The following ICAM2 variants were observed in gnomAD, a reference collection of about 807,000 sequenced individuals.
The protein encoded by ICAM2 is intercellular adhesion molecule 2, also known as ICAM-2.
In ICAM2, 14 loss-of-function variants were observed where a neutral mutation model predicts 19.1. The ratio of observed to expected loss-of-function variants is 0.73; its 90% confidence interval spans 0.48 to 1.15. The LOEUF (loss-of-function observed/expected upper bound fraction) is 1.15, where lower values mean the gene tolerates loss of function less well. ICAM2 is among the 50% of genes most tolerant of loss of function. The pLI, the probability that ICAM2 is intolerant of heterozygous loss-of-function variation, is 0.00. For synonymous variants in ICAM2, 153 were observed against 152.7 expected (o/e 1.00, Z -0.01); for missense variants, 311 against 355.4 (o/e 0.88, Z 1.00).
chr17:64,003,602 G>A, intron 4 of ICAM2, 42 bp downstream of exon 4: 1 of 1,567,630 alleles, frequency 6.4e-7, no homozygotes, highest in Non-Finnish European at 8.7e-7. Context: ...GGGGCTGAAA[G>A]TGACTTATCA....
intron 3 of ICAM2, 130 bp from the exon 4 acceptor site, chr17:64,004,094 G>A: frequency 1.5e-6 from 1 of 666,996 alleles, no homozygotes; most frequent in Non-Finnish European, 2.5e-6. Context: ...GCCGGCTCCA[G>A]TGCAGAGAGG....
At chr17:64,016,679 C>T (rs191275610) in intron 1 of ICAM2, among the ~76,000 whole-genome samples, 17 of 152,328 alleles carry the variant, frequency 1.1e-4, no homozygotes, top group African/African-American at 4.1e-4. Flanking sequence ...TCGCCTACAG[C>T]TGCAACATCA....
intron 2 of ICAM2, among the ~76,000 whole-genome samples, chr17:64,005,701 G>A (rs902185981): frequency 6.6e-6 from 1 of 152,098 alleles, no homozygotes; most frequent in African/African-American, 2.4e-5. Context: ...AGTGGGATCC[G>A]ACTCAGTCTT....
At chr17:64,003,001 AC>A in intron 4 of ICAM2, 76 bp from the exon 5 acceptor site, 1 of 1,423,080 alleles carries the variant, frequency 7.0e-7, no homozygotes, top group Non-Finnish European at 9.6e-7. Flanking sequence ...GTGGAAGTCC[AC>A]CCCCAACCCA....
At chr17:64,013,179 G>A (rs1205991755) in intron 1 of ICAM2, among the ~76,000 whole-genome samples, 1 of 152,140 alleles carries the variant, frequency 6.6e-6, no homozygotes, top group Non-Finnish European at 1.5e-5. Flanking sequence ...GGACATGGTG[G>A]CGTGTGCCTG....
chr17:64,013,787 T>C (rs896385155), intron 1 of ICAM2, among the ~76,000 whole-genome samples: 12 of 152,258 alleles, frequency 7.9e-5, no homozygotes, highest in African/African-American at 2.6e-4. Flanking sequence ...AGTTTCTATA[T>C]AGAACTATAT....
intron 4 of ICAM2, 78 bp downstream of exon 4, chr17:64,003,566 G>A (rs1432140786): frequency 2.3e-6 from 3 of 1,332,560 alleles, no homozygotes; most frequent in South Asian, 1.3e-5. Context: ...CTTCCCAAGT[G>A]GGACTCAAGA....
In ICAM2 at chr17:64,003,468, G is replaced by C. The variant is rs1013945425; in HGVS notation, c.649+176C>G. The stretch of plus-strand genomic sequence containing the variant: ...TCTCCCGACCTCTGGAGCAGTTGAG[G>C]TCCAAGCTGGGGACTTGGAAAGAAC... On this transcript the variant is annotated intron_variant, in intron 4 of 4. Coordinates refer to ENST00000579788, the MANE Select transcript of ICAM2 (RefSeq NM_001099789.2). The C allele has an allele frequency of 2.0e-4, 126 of 638,418 alleles. 1 individual carries two copies. The highest frequency in any genetic ancestry group is 3.0e-4 in the Non-Finnish European group (111 of 364,208). 39.5% of individuals were successfully genotyped at this position (638,418 alleles called of 1,614,324 possible). A position where few individuals can be genotyped will look rare whatever the true frequency, so the allele number is the denominator to read the frequency against.
At chr17:64,010,147 T>C (rs1911392992) in intron 1 of ICAM2, among the ~76,000 whole-genome samples, 1 of 152,200 alleles carries the variant, frequency 6.6e-6, no homozygotes, top group African/African-American at 2.4e-5. Context: ...CCCGGGATCA[T>C]TAAACTTTTT....
Position 64,014,905 on chromosome 17 carries a change from ATCTC to A in ICAM2, c.-45+5614_-45+5617del, listed in dbSNP as rs1365994888. Among the ~76,000 whole-genome samples, 8 of 152,220 alleles carry A rather than the reference ATCTC, an allele frequency of 5.3e-5. 1 individual carries two copies. The South Asian group carries it at 1.7e-3, about 32-fold the overall frequency. On this transcript the variant is annotated intron_variant, in intron 1 of 4. Coordinates refer to ENST00000579788, the MANE Select transcript of ICAM2 (RefSeq NM_001099789.2). ...AGCCTGGGCAACATAGTGCGATATT[ATCTC>A]TCTATTAAAATAAAAAATATTACAA...
At chr17:64,018,430 A>G (rs781598129) in intron 1 of ICAM2, among the ~76,000 whole-genome samples, 1 of 150,950 alleles carries the variant, frequency 6.6e-6, no homozygotes. Context: ...TCGAGTAGCC[A>G]GGGAAATTAA....
In ICAM2 at chr17:64,003,909, C is replaced by T; in HGVS notation, c.384G>A (p.Lys128=). Residue 128 remains lysine, a synonymous_variant, in exon 4 of 5, where the codon AAG becomes AAA. Transcript: ENST00000579788. The part of the protein sequence containing the change: ...TLQPTLVAVG[K]SFTIECRVPT... The stretch of plus-strand genomic sequence containing the variant: ...GCACCCTGCACTCAATGGTGAAGGA[C>T]TTGCCCACAGCCACCAAAGTGGGTT... The T allele has an allele frequency of 6.2e-7, 1 of 1,614,168 alleles. No individual in the cohort carries two copies. The highest frequency in any genetic ancestry group is 8.5e-7 in the Non-Finnish European group (1 of 1,180,016).
chr17:64,019,312 G>A lies in ICAM2; in HGVS notation c.-45+1211C>T, dbSNP rs149057609. Among the ~76,000 whole-genome samples, 222 of 152,198 alleles carry A rather than the reference G, an allele frequency of 1.5e-3. 4 individuals are homozygous for A. In the East Asian group the frequency reaches 0.038, roughly 26 times the overall value. Reference sequence around the variant, plus strand: ...AGGTGGGAAGATCACTGGATCCCAGGAGTTCGAGGTTGTAGTGTGCTATGA... The same window carrying A: ...AGGTGGGAAGATCACTGGATCCCAGAAGTTCGAGGTTGTAGTGTGCTATGA... On this transcript the variant is annotated intron_variant, in intron 1 of 4. Transcript: ENST00000579788.
chr17:64,020,219 G>C (rs1032483087), intron 1 of ICAM2, among the ~76,000 whole-genome samples: 1 of 151,556 alleles, frequency 6.6e-6, no homozygotes, highest in Non-Finnish European at 1.5e-5. Flanking sequence ...TAAGGAGGCA[G>C]CCCCACATTT....
At chr17:64,011,575 G>A (rs1911455980) in intron 1 of ICAM2, among the ~76,000 whole-genome samples, 1 of 152,110 alleles carries the variant, frequency 6.6e-6, no homozygotes, top group African/African-American at 2.4e-5. Flanking sequence ...ACACCTGTTA[G>A]AATGGCTATT....
At chr17:64,004,193 A>G (rs1009375204) in intron 3 of ICAM2, 2 of 534,756 alleles carry the variant, frequency 3.7e-6, no homozygotes, top group African/African-American at 3.8e-5. Context: ...TACAAGGACA[A>G]GGTTCAGAAA....
chr17:64,018,928 G>C (rs1351984989), intron 1 of ICAM2, among the ~76,000 whole-genome samples: 7 of 151,366 alleles, frequency 4.6e-5, no homozygotes, highest in African/African-American at 1.7e-4. Context: ...CATCTTGTTG[G>C]CCAGGACCGT....
intron 1 of ICAM2, among the ~76,000 whole-genome samples, chr17:64,014,330 G>GGAAGGAAA (rs1219763465): frequency 2.6e-4 from 8 of 31,150 alleles, no homozygotes; most frequent in African/African-American, 8.7e-4. Context: ...AAGGAAGGAA[G>GGAAGGAAA]GAAAGAAAGA....
intron 1 of ICAM2, among the ~76,000 whole-genome samples, chr17:64,008,242 ACAGGGTGGAGTTTCACCCC>A (rs1400426211): frequency 6.6e-6 from 1 of 152,136 alleles, no homozygotes; most frequent in African/African-American, 2.4e-5. Flanking sequence ...GAAAAGGAGA[ACAGGGTGGAGTTTCACCCC>A]CAGCCTGAAG....
Sources: gnomAD v4.1 joint callset for allele counts (sites outside exome capture counted in the v4.1 genomes callset) on GRCh38, gnomAD v4.1.1 for gene constraint, MANE v1.5 for transcripts, NCBI Gene and HGNC (gene_info 2026-07-23, HGNC 2026-07-21) for gene names.